Variants in ALPK3 observed in about 807,000 individuals in gnomAD.
The protein encoded by ALPK3 is alpha kinase 3.
ALPK3 carries 102 observed loss-of-function variants against 140.0 expected under a neutral mutation model. The observed-to-expected ratio is 0.73, with a 90% CI of 0.62 to 0.86. The LOEUF is 0.86. Ranked by LOEUF, ALPK3 falls within the 40% of genes least tolerant of loss-of-function variation. The probability of loss-of-function intolerance (pLI) is 0.00; values close to 1 mark genes in which losing one functional copy is unlikely to be tolerated. For missense variants in ALPK3, 2,254 were observed against 2,208.2 expected (o/e 1.02, Z -0.42); for synonymous variants, 938 against 898.5 (o/e 1.04, Z -0.79).
At position 84,857,885 on chromosome 15, in the gene ALPK3, G is replaced by C; in HGVS notation, c.3147G>C (p.Gln1049His). The change falls in exon 6 of 14, where the codon CAG (glutamine) becomes CAC (histidine). Residue 1049 changes from glutamine to histidine, a missense_variant. Transcript: ENST00000258888. ...RLTGLLDREVQAGRQALAAAR... is the reference protein window; with the variant it reads ...RLTGLLDREVHAGRQALAAAR... ...CCGGCCTCCTGGACCGTGAGGTGCA[G>C]GCTGGCCGCCAGGCCCTTGCTGCTG... The C allele has an allele frequency of 6.2e-7, 1 of 1,612,574 alleles. No homozygotes were observed. Among genetic ancestry groups the C allele is most frequent in the Non-Finnish European group, 8.5e-7 (1 of 1,179,636 alleles).
In ALPK3 at chr15:84,834,403, G is replaced by A. The variant is rs540716517; in HGVS notation, c.305-4577G>A. The stretch of plus-strand genomic sequence containing the variant: ...TAATTTCATGAGCTGGGATTTCCTC[G>A]TCCTTAAATTGGAGATTAGTAGCAG... On this transcript the variant is annotated intron_variant, in intron 3 of 13. Transcript: ENST00000258888. Among the ~76,000 whole-genome samples the A allele has an allele frequency of 1.8e-4, 27 of 152,268 alleles. 1 individual carries two copies. In the South Asian group the frequency reaches 2.5e-3, roughly 14 times the overall value.
chr15:84,843,794 T>C (rs1027696011), intron 5 of ALPK3, among the ~76,000 whole-genome samples: 1 of 152,194 alleles, frequency 6.6e-6, no homozygotes, highest in African/African-American at 2.4e-5. Context: ...CCACAGAAGA[T>C]AGAAATTGGC....
chr15:84,829,601 G>A (rs1169844390), intron 3 of ALPK3, among the ~76,000 whole-genome samples: 1 of 152,146 alleles, frequency 6.6e-6, no homozygotes, highest in Non-Finnish European at 1.5e-5. Context: ...TGTTCTGGGT[G>A]GTCCTCTGGG....
At chr15:84,847,682 A>G (rs77566474) in intron 5 of ALPK3, among the ~76,000 whole-genome samples, 14,268 of 152,272 alleles carry the variant, frequency 0.094, 770 homozygotes, top group African/African-American at 0.11. Context: ...TAGCAAAAAT[A>G]TCTTTAAGTA....
intron 2 of ALPK3, among the ~76,000 whole-genome samples, chr15:84,826,421 C>T (rs1596146049): frequency 6.6e-6 from 1 of 152,166 alleles, no homozygotes; most frequent in Non-Finnish European, 1.5e-5. Context: ...CCCTTTGCCC[C>T]CTCACAGTCC....
Position 84,859,280 on chromosome 15 carries a change from T to A in ALPK3, c.3855T>A (p.Phe1285Leu). Residue 1285 changes from phenylalanine (F) to leucine (L), a missense_variant, in exon 7 of 14, where the codon TTT becomes TTA. By Grantham distance (22) the Phe-to-Leu change is conservative (BLOSUM62 0). Transcript: ENST00000258888. The stretch of plus-strand genomic sequence containing the variant: ...TCCGGAAGATTCGGGTGGAGCAGTT[T>A]CCTGATGCCTCCGGTAGCCTGAAGC... ...QVIRKIRVEQ[F>L]PDASGSLKLW... 1 of 1,614,176 alleles carries A rather than the reference T, an allele frequency of 6.2e-7. No homozygotes were observed. Among genetic ancestry groups the A allele is most frequent in the Non-Finnish European group, 8.5e-7 (1 of 1,180,014 alleles).
chr15:84,826,271 C>T (rs887582266), intron 2 of ALPK3, among the ~76,000 whole-genome samples: 3 of 152,228 alleles, frequency 2.0e-5, no homozygotes, highest in African/African-American at 7.2e-5. Context: ...CTTCTGCTTC[C>T]ACAGACTCTC....
rs1449812716 is a variant in ALPK3 at position 84,827,517 on chromosome 15, AGAG to A, written c.220_222del (p.Glu74del). The stretch of plus-strand genomic sequence containing the variant: ...TCTGCTCCATCATTGCTCAGCTCAC[AGAG>A]GAGACCCAGCCGCTATTTGAGACCA... On this transcript the variant is annotated inframe_deletion, in exon 3 of 14. Coordinates refer to ENST00000258888, the MANE Select transcript of ALPK3 (RefSeq NM_020778.5). 1.2e-6 allele frequency: 2 copies of A among 1,614,220 alleles called. No homozygotes were observed. Among genetic ancestry groups the A allele is most frequent in the Middle Eastern group, 1.7e-4 (1 of 6,046 alleles).
rs572432974 is a variant in ALPK3 at position 84,867,485 on chromosome 15, C to T, written c.4772+120C>T. On this transcript the variant is annotated intron_variant, in intron 13 of 13. Transcript: ENST00000258888. ...GCCTGGGGCCAAGTGGTCCCAGACA[C>T]ACCCATGGCCATGTGGTAACATCCT... 3,969 of 1,110,316 alleles carry T rather than the reference C, an allele frequency of 3.6e-3. 6 individuals carry two copies. The highest frequency in any genetic ancestry group is 4.9e-3 in the Non-Finnish European group (3,616 of 737,812). 68.8% of individuals were successfully genotyped at this position (1,110,316 alleles called of 1,614,324 possible). A position where few individuals can be genotyped will look rare whatever the true frequency, so the allele number is the denominator to read the frequency against.
At chr15:84,819,330 G>A (rs1963397881) in intron 1 of ALPK3, among the ~76,000 whole-genome samples, 1 of 152,324 alleles carries the variant, frequency 6.6e-6, no homozygotes, top group African/African-American at 2.4e-5. Flanking sequence ...AGCAGGAGTG[G>A]GAGAAAGCTT....
In ALPK3 at chr15:84,856,541, C is replaced by T. The variant is rs763408701; in HGVS notation, c.1803C>T (p.Asn601=). The T allele has an allele frequency of 6.2e-7, 1 of 1,614,062 alleles. No individual in the cohort carries two copies. Among genetic ancestry groups the T allele is most frequent in the Non-Finnish European group, 8.5e-7 (1 of 1,180,012 alleles). ...ETQEDGRTSA[N]QRTGSKKNVQ... is the part of the protein sequence containing the mutation. Reference sequence around the variant, plus strand: ...AGGAGGATGGGAGAACATCTGCTAACCAGAGAACTGGAAGCAAGAAGAATG... The same window carrying T: ...AGGAGGATGGGAGAACATCTGCTAATCAGAGAACTGGAAGCAAGAAGAATG... The change falls in exon 6 of 14, where the codon AAC becomes AAT. Residue 601 remains asparagine, a synonymous_variant. Coordinates refer to ENST00000258888, the MANE Select transcript of ALPK3 (RefSeq NM_020778.5).
At chr15:84,836,745 C>T (rs977139953) in intron 3 of ALPK3, among the ~76,000 whole-genome samples, 16 of 152,184 alleles carry the variant, frequency 1.1e-4, no homozygotes, top group African/African-American at 3.9e-4. Flanking sequence ...GAAGACTGGG[C>T]TGGAGATAGA....
chr15:84,860,078 G>A lies in ALPK3; in HGVS notation c.4129+6G>A, dbSNP rs548491267. ...CTCCAGAGAAGAAGGTGAAGGTATG[G>A]TTCCCCCCTGGGGAAGGCGGGGTGG... On this transcript the variant is annotated splice_donor_region_variant and intron_variant, in intron 9 of 13. Coordinates refer to ENST00000258888, the MANE Select transcript of ALPK3 (RefSeq NM_020778.5). 2 of 1,614,126 alleles carry A rather than the reference G, an allele frequency of 1.2e-6. No homozygotes were observed. The highest frequency in any genetic ancestry group is 1.7e-4 in the Middle Eastern group (1 of 6,060).
intron 5 of ALPK3, among the ~76,000 whole-genome samples, chr15:84,844,823 C>T (rs187649558): frequency 2.4e-4 from 37 of 152,116 alleles, no homozygotes; most frequent in African/African-American, 8.4e-4. Flanking sequence ...CGCCACCGCG[C>T]TCCAGCCTGG....
chr15:84,862,674 A>C lies in ALPK3; in HGVS notation c.4169A>C (p.Lys1390Thr). The C allele has an allele frequency of 1.2e-6, 2 of 1,614,056 alleles. No individual in the cohort carries two copies. Among genetic ancestry groups the C allele is most frequent in the Non-Finnish European group, 1.7e-6 (2 of 1,179,996 alleles). The part of the protein sequence containing the change: ...EIEMTPMVFA[K>T]GLADSGCWGD... ...GAGATGACCCCTATGGTGTTTGCTA[A>C]GGGTCTGGCTGACTCTGGCTGCTGG... The change falls in exon 10 of 14, where the codon AAG becomes ACG. Residue 1390 changes from lysine to threonine, a missense_variant. By Grantham distance (78) the Lys-to-Thr change is moderately conservative (BLOSUM62 -1). Coordinates refer to ENST00000258888, the MANE Select transcript of ALPK3 (RefSeq NM_020778.5).
At chr15:84,840,956 G>A (rs1378071073) in intron 5 of ALPK3, 24 bp downstream of exon 5, 2 of 1,535,082 alleles carry the variant, frequency 1.3e-6, no homozygotes, top group Non-Finnish European at 1.7e-6. Flanking sequence ...TTGGGTGCCT[G>A]GAGGCCGCTC....
intron 5 of ALPK3, among the ~76,000 whole-genome samples, chr15:84,856,009 A>G (rs1963855970): frequency 6.6e-6 from 1 of 152,156 alleles, no homozygotes; most frequent in African/African-American, 2.4e-5. Context: ...GCCACAGGAG[A>G]AGGACTGCTC....
At position 84,857,336 on chromosome 15, in the gene ALPK3, G is replaced by C. The variant is rs200842914; in HGVS notation, c.2598G>C (p.Thr866=). The change falls in exon 6 of 14, where the codon ACG becomes ACC. Residue 866 remains threonine (T), a synonymous_variant. Transcript: ENST00000258888. The stretch of plus-strand genomic sequence containing the variant: ...CTGGCCTGAGCCAGGAGGTACCCAC[G>C]ATGCCTTCTCTTCCTGGAACTGGGC... ...PLAGLSQEVP[T]MPSLPGTGLT... 3.4e-5 allele frequency: 55 copies of C among 1,614,138 alleles called. No individual in the cohort carries two copies. Among genetic ancestry groups the C allele is most frequent in the Middle Eastern group, 3.3e-4 (2 of 6,062 alleles).
chr15:84,839,684 T>TCCCG lies in ALPK3; in HGVS notation c.423-16_423-13dup. 2 of 1,577,902 alleles carry TCCCG rather than the reference T, an allele frequency of 1.3e-6. No individual in the cohort carries two copies. The highest frequency in any genetic ancestry group is 1.7e-6 in the Non-Finnish European group (2 of 1,161,050). On this transcript the variant is annotated splice_polypyrimidine_tract_variant and intron_variant, in intron 4 of 13. Coordinates refer to ENST00000258888, the MANE Select transcript of ALPK3 (RefSeq NM_020778.5). ...CTCCCAGGAGGGGAGAGGTGGCACCTCCCGCTCCTACCTCTAGGTGTCGAG... is the reference window on the plus strand; with the variant it reads ...CTCCCAGGAGGGGAGAGGTGGCACCTCCCGCCCGCTCCTACCTCTAGGTGTCGAG...
Sources: allele counts gnomAD v4.1 joint callset (sites outside exome capture counted in the v4.1 genomes callset), GRCh38; gene constraint gnomAD v4.1.1; transcripts MANE v1.5; gene names NCBI Gene and HGNC (gene_info 2026-07-23, HGNC 2026-07-21).